MAF: variants seen among roughly 807,000 people sequenced by gnomAD.
The protein encoded by MAF is MAF bZIP transcription factor.
A neutral mutation model predicts 22.0 loss-of-function variants in MAF; 10 were observed. The observed-to-expected ratio is 0.45, with a 90% CI of 0.28 to 0.77. The LOEUF is 0.77. Among genes scored for constraint, MAF ranks in the 30% least tolerant of loss-of-function variants. The pLI, the probability that MAF is intolerant of heterozygous loss-of-function variation, is 0.12. For missense variants in MAF, 544 were observed against 548.4 expected (o/e 0.99, Z 0.08); for synonymous variants, 337 against 255.8 (o/e 1.32, Z -3.03).
At chr16:79,587,618 T>C (rs1239610280) in intron 1 of MAF, among the ~76,000 whole-genome samples, 1 of 152,164 alleles carries the variant, frequency 6.6e-6, no homozygotes, top group Non-Finnish European at 1.5e-5. Context: ...TTTAGAAAAT[T>C]ATTACAGAGC....
At chr16:79,431,369 A>C in the MAF span, among the ~76,000 whole-genome samples, 1 of 152,204 alleles carries the variant, frequency 6.6e-6, no homozygotes, top group East Asian at 1.9e-4. Flanking sequence ...TACACTAACC[A>C]AATAACATTA....
At chr16:79,445,939 G>T in the MAF span, among the ~76,000 whole-genome samples, 1 of 152,142 alleles carries the variant, frequency 6.6e-6, no homozygotes, top group African/African-American at 2.4e-5. Flanking sequence ...ATCAGACACT[G>T]ACTCTTATTA....
the MAF span, among the ~76,000 whole-genome samples, chr16:79,405,154 T>A: frequency 6.6e-6 from 1 of 152,128 alleles, no homozygotes; most frequent in Non-Finnish European, 1.5e-5. Flanking sequence ...TAGGAATCCA[T>A]CAGCACTCTG....
the MAF span, among the ~76,000 whole-genome samples, chr16:79,321,125 C>G: frequency 6.6e-6 from 1 of 152,200 alleles, no homozygotes; most frequent in Non-Finnish European, 1.5e-5. Context: ...TGTTCTGTGC[C>G]AATCACTGTG....
the MAF span, among the ~76,000 whole-genome samples, chr16:79,241,761 A>G: frequency 9.3e-3 from 1,417 of 152,150 alleles, 27 homozygotes; most frequent in Non-Finnish European, 0.015. Flanking sequence ...CAAGGTTGAA[A>G]TAAAGGAGAA....
the MAF span, among the ~76,000 whole-genome samples, chr16:79,222,654 T>C: frequency 6.6e-6 from 1 of 151,766 alleles, no homozygotes; most frequent in African/African-American, 2.4e-5. Context: ...GAGACACAAA[T>C]AGGCTCAAAA....
At chr16:79,365,071 T>C in the MAF span, among the ~76,000 whole-genome samples, 2 of 152,316 alleles carry the variant, frequency 1.3e-5, no homozygotes, top group South Asian at 2.1e-4. Context: ...TTCTGATTGG[T>C]TAAACTTCAA....
chr16:79,380,407 G>A, the MAF span, among the ~76,000 whole-genome samples: 4 of 152,178 alleles, frequency 2.6e-5, no homozygotes, highest in African/African-American at 9.7e-5. Flanking sequence ...TTAGGTCCAC[G>A]AATCATGCTA....
chr16:79,585,997 G>C (rs1335427810), intron 1 of MAF: 1 of 656,510 alleles, frequency 1.5e-6, no homozygotes, highest in African/African-American at 1.8e-5. Context: ...CACGAAGAAT[G>C]TTTCAAGAAC....
At chr16:79,334,332 G>C in the MAF span, among the ~76,000 whole-genome samples, 1 of 152,136 alleles carries the variant, frequency 6.6e-6, no homozygotes, top group East Asian at 1.9e-4. Context: ...AGCGCACCAG[G>C]AGCTAGAAGC....
the MAF span, among the ~76,000 whole-genome samples, chr16:79,363,254 A>G: frequency 1.3e-5 from 2 of 152,216 alleles, no homozygotes; most frequent in African/African-American, 4.8e-5. Context: ...TGGAGGAGAT[A>G]TATTAAAATA....
chr16:79,536,733 T>G, the MAF span, among the ~76,000 whole-genome samples: 2 of 152,230 alleles, frequency 1.3e-5, no homozygotes, highest in South Asian at 4.1e-4. Flanking sequence ...TCCCTGTCAT[T>G]ATTCCCTAAA....
chr16:79,534,746 A>G, the MAF span, among the ~76,000 whole-genome samples: 33 of 152,296 alleles, frequency 2.2e-4, no homozygotes, highest in South Asian at 2.5e-3. Flanking sequence ...TTTAAAAAAA[A>G]GAAAGAAAGA....
chr16:79,598,581 G>GGTGTGGGGT, intron 1 of MAF: 1 of 1,409,632 alleles, frequency 7.1e-7, no homozygotes, highest in Non-Finnish European at 9.3e-7. Context: ...CAGGGTGTGG[G>GGTGTGGGGT]GTGTGTGTGT....
chr16:79,429,430 G>A, the MAF span, among the ~76,000 whole-genome samples: 1 of 152,070 alleles, frequency 6.6e-6, no homozygotes, highest in African/African-American at 2.4e-5. Context: ...CCCTTGGCAG[G>A]AGACCTCCCC....
chr16:79,544,181 G>A, the MAF span, among the ~76,000 whole-genome samples: 1 of 152,242 alleles, frequency 6.6e-6, no homozygotes, highest in African/African-American at 2.4e-5. Flanking sequence ...AAAATAAGAG[G>A]AGCAACTATT....
the MAF span, among the ~76,000 whole-genome samples, chr16:79,559,372 T>A: frequency 6.6e-6 from 1 of 152,198 alleles, no homozygotes; most frequent in East Asian, 1.9e-4. Flanking sequence ...TGTATCTCTA[T>A]GTAAATTCTA....
At chr16:79,290,990 AC>A in the MAF span, among the ~76,000 whole-genome samples, 1 of 152,012 alleles carries the variant, frequency 6.6e-6, no homozygotes, top group Non-Finnish European at 1.5e-5. Flanking sequence ...ACAATCGAGG[AC>A]CATGGGGAAG....
At chr16:79,388,385 C>A in the MAF span, among the ~76,000 whole-genome samples, 1 of 152,184 alleles carries the variant, frequency 6.6e-6, no homozygotes, top group Admixed American at 6.5e-5. Context: ...GGATTTCGTA[C>A]CACAGAACAT....
Sources: gnomAD v4.1 joint callset for allele counts (sites outside exome capture counted in the v4.1 genomes callset) on GRCh38, gnomAD v4.1.1 for gene constraint, MANE v1.5 for transcripts, NCBI Gene and HGNC (gene_info 2026-07-23, HGNC 2026-07-21) for gene names.